LRRK1: variants seen among roughly 807,000 people sequenced by gnomAD.
LRRK1 encodes the protein leucine-rich repeat serine/threonine-protein kinase 1.
In LRRK1, 113 loss-of-function variants were observed where a neutral mutation model predicts 209.1. That is an observed-to-expected ratio of 0.54 (90% CI 0.46 to 0.63). LRRK1 has a LOEUF of 0.63. Ranked by LOEUF, LRRK1 falls within the 30% of genes least tolerant of loss-of-function variation. The probability of loss-of-function intolerance (pLI) is 0.00; values close to 1 mark genes in which losing one functional copy is unlikely to be tolerated. For missense variants in LRRK1, 2,284 were observed against 2,632.2 expected (o/e 0.87, Z 2.89); for synonymous variants, 1,144 against 1,099.7 (o/e 1.04, Z -0.80).
At chr15:101,059,832 A>G (rs1188633150) in intron 29 of LRRK1, among the ~76,000 whole-genome samples, 1 of 152,244 alleles carries the variant, frequency 6.6e-6, no homozygotes, top group Admixed American at 6.5e-5. Context: ...GAATCATGGC[A>G]GAGTCCAGGT....
intron 2 of LRRK1, among the ~76,000 whole-genome samples, chr15:100,950,821 A>AG (rs1403303136): frequency 6.6e-6 from 1 of 152,266 alleles, no homozygotes; most frequent in East Asian, 1.9e-4. Context: ...AAAAAAGAGC[A>AG]GGCCGGGCGC....
chr15:101,050,745 T>C (rs1296778111), intron 23 of LRRK1: 2 of 152,472 alleles, frequency 1.3e-5, no homozygotes, highest in East Asian at 1.9e-4. Context: ...TCTGTCAGGG[T>C]TGGGGTCCTT....
At chr15:100,944,038 G>T (rs570391254) in intron 2 of LRRK1, among the ~76,000 whole-genome samples, 1 of 152,122 alleles carries the variant, frequency 6.6e-6, no homozygotes, top group African/African-American at 2.4e-5. Context: ...TTGAACACAG[G>T]TCAGAGAAAA....
chr15:101,045,447 A>G (rs567761029), intron 20 of LRRK1, among the ~76,000 whole-genome samples: 1 of 152,338 alleles, frequency 6.6e-6, no homozygotes, highest in East Asian at 1.9e-4. Flanking sequence ...CTCGTAAAAC[A>G]TCCCTCTTCC....
chr15:101,026,010 G>A lies in LRRK1; in HGVS notation c.2278G>A (p.Asp760Asn), dbSNP rs2034011945. 6.2e-7 allele frequency: 1 copy of A among 1,614,268 alleles called. No individual in the cohort carries two copies. The highest frequency in any genetic ancestry group is 8.5e-7 in the Non-Finnish European group (1 of 1,180,054). Residue 760 changes from aspartate (D) to asparagine (N), a missense_variant, in exon 17 of 34, where the codon GAT (aspartate) becomes AAT (asparagine). This residue lies in a region of LRRK1 where 780 missense variants were observed against 985.2 expected (regional missense o/e 0.79). Coordinates refer to ENST00000388948, the MANE Select transcript of LRRK1 (RefSeq NM_024652.6). ...AVVLVVGTHL[D>N]LIEAKFRVER... ...GGTGCTGGTGGTCGGGACGCACCTG[G>A]ATTTAATTGAAGCCAAGTTCCGTGT...
chr15:101,018,864 T>G (rs1405066111), intron 12 of LRRK1, among the ~76,000 whole-genome samples: 1 of 152,126 alleles, frequency 6.6e-6, no homozygotes, highest in Non-Finnish European at 1.5e-5. Flanking sequence ...TTTTCCTCAG[T>G]AGGGTTATTC....
intron 12 of LRRK1, among the ~76,000 whole-genome samples, chr15:101,016,403 C>T (rs1405544969): frequency 2.0e-5 from 3 of 151,738 alleles, no homozygotes; most frequent in African/African-American, 7.3e-5. Flanking sequence ...CCAGGCTGGT[C>T]TTGAACTCCT....
intron 6 of LRRK1, among the ~76,000 whole-genome samples, chr15:101,005,113 AT>A (rs2032881273): frequency 6.6e-6 from 1 of 152,176 alleles, no homozygotes. Flanking sequence ...GGACACCTTG[AT>A]TCCATGTTCA....
chr15:100,946,825 A>T (rs1468026095), intron 2 of LRRK1, among the ~76,000 whole-genome samples: 1 of 152,244 alleles, frequency 6.6e-6, no homozygotes, highest in African/African-American at 2.4e-5. Context: ...CATACCAATT[A>T]GAACTATTCA....
chr15:101,049,564 T>G, intron 22 of LRRK1, 80 bp from the exon 23 acceptor site: 1 of 1,533,310 alleles, frequency 6.5e-7, no homozygotes, highest in Middle Eastern at 1.8e-4. Context: ...GGTTGGTTCC[T>G]GTCCCTGGGG....
At chr15:101,021,222 C>T (rs1174161513) in intron 13 of LRRK1, 40 bp downstream of exon 13, 110 of 1,609,232 alleles carry the variant, frequency 6.8e-5, no homozygotes, top group Non-Finnish European at 9.0e-5. Flanking sequence ...GCTCTGCTGG[C>T]CCAGAGAGGC....
chr15:101,063,841 C>G (rs1046933208), intron 31 of LRRK1, among the ~76,000 whole-genome samples: 2 of 151,394 alleles, frequency 1.3e-5, no homozygotes, highest in African/African-American at 4.9e-5. Flanking sequence ...TGAAATGAAC[C>G]TTAGAGTCAT....
chr15:100,999,212 G>A (rs1266120442), intron 6 of LRRK1, among the ~76,000 whole-genome samples: 1 of 152,096 alleles, frequency 6.6e-6, no homozygotes, highest in African/African-American at 2.4e-5. Flanking sequence ...GAGATTTCTT[G>A]TAAGTTTCCT....
At chr15:100,927,304 G>A (rs1328662622) in intron 2 of LRRK1, among the ~76,000 whole-genome samples, 1 of 152,174 alleles carries the variant, frequency 6.6e-6, no homozygotes, top group Non-Finnish European at 1.5e-5. Context: ...AAGGTGTTCC[G>A]AAAGGCCAAA....
chr15:100,932,139 C>T (rs1305031745), intron 2 of LRRK1, among the ~76,000 whole-genome samples: 1 of 152,174 alleles, frequency 6.6e-6, no homozygotes, highest in Non-Finnish European at 1.5e-5. Flanking sequence ...GCACTCGCCA[C>T]CACGCCCAGC....
Position 101,069,117 on chromosome 15 carries a change from G to C in LRRK1, c.*269G>C. On this transcript the variant is annotated 3_prime_UTR_variant, in exon 34 of 34. Coordinates refer to ENST00000388948, the MANE Select transcript of LRRK1 (RefSeq NM_024652.6). ...AAGACAGTGGTATCAGGCTGGGAGCGGCCTCCTCTGGCCTCCCCCATCAGT... is the reference window on the plus strand; with the variant it reads ...AAGACAGTGGTATCAGGCTGGGAGCCGCCTCCTCTGGCCTCCCCCATCAGT... The C allele has an allele frequency of 3.2e-6, 1 of 312,534 alleles. No individual in the cohort carries two copies. The highest frequency in any genetic ancestry group is 5.7e-5 in the East Asian group (1 of 17,442). 19.4% of individuals were successfully genotyped at this position (312,534 alleles called of 1,614,324 possible).
intron 2 of LRRK1, among the ~76,000 whole-genome samples, chr15:100,951,713 A>C (rs1330224186): frequency 6.6e-6 from 1 of 152,192 alleles, no homozygotes; most frequent in Non-Finnish European, 1.5e-5. Flanking sequence ...GCACTTTGGG[A>C]GGCCGAGACA....
chr15:100,963,658 G>A (rs142467684), intron 2 of LRRK1, among the ~76,000 whole-genome samples: 108 of 152,312 alleles, frequency 7.1e-4, no homozygotes, highest in East Asian at 2.7e-3. Context: ...AGTGTGCACC[G>A]TGTCATTTCT....
intron 2 of LRRK1, among the ~76,000 whole-genome samples, chr15:100,953,533 T>TATATATATATAGAC: frequency 7.4e-6 from 1 of 135,844 alleles, no homozygotes; most frequent in Non-Finnish European, 1.7e-5. Context: ...TATATATATA[T>TATATATATATAGAC]ACACACATAT....
Sources: gnomAD v4.1 joint callset for allele counts (sites outside exome capture counted in the v4.1 genomes callset) on GRCh38, gnomAD v4.1.1 for gene constraint, gnomAD v4.1.1 regional missense constraint, MANE v1.5 for transcripts, NCBI Gene and HGNC (gene_info 2026-07-23, HGNC 2026-07-21) for gene names.